The following SPTAN1 variants were observed in gnomAD, a reference collection of about 807,000 sequenced individuals.
SPTAN1 encodes the protein spectrin alpha chain, non-erythrocytic 1.
In SPTAN1, 61 loss-of-function variants were observed where a neutral mutation model predicts 331.3. The observed-to-expected ratio is 0.18, with a 90% confidence interval of 0.15 to 0.23. The LOEUF is 0.23. Ranked by LOEUF, SPTAN1 falls within the 10% of genes least tolerant of loss-of-function variation. SPTAN1 has a pLI of 1.00. For synonymous variants in SPTAN1, 1,153 were observed against 1,173.9 expected, an observed-to-expected ratio of 0.98 and a Z score of 0.36; for missense variants, 2,043 against 3,147.9, an observed-to-expected ratio of 0.65 and a Z score of 8.40.
In SPTAN1 at chr9:128,591,547, C is replaced by G. The variant is rs1853527559; in HGVS notation, c.3077C>G (p.Pro1026Arg). The change falls in exon 22 of 57, where the codon CCC becomes CGC. Residue 1026 changes from proline to arginine, a missense_variant. By Grantham distance (103) the Pro-to-Arg change is moderately radical. Coordinates refer to ENST00000372739, the MANE Select transcript of SPTAN1 (RefSeq NM_001130438.3). ...GCTGCGTACGTGAAGAAATTGGACCCCGCCCAGTCAGCCTCCCGGGAGAAT... is the reference window on the plus strand; with the variant it reads ...GCTGCGTACGTGAAGAAATTGGACCGCGCCCAGTCAGCCTCCCGGGAGAAT... ...VPAAYVKKLD[P>R]AQSASRENLL... 6.2e-7 allele frequency: 1 copy of G among 1,614,192 alleles called. No homozygotes were observed. Among genetic ancestry groups the G allele is most frequent in the Non-Finnish European group, 8.5e-7 (1 of 1,180,024 alleles).
intron 52 of SPTAN1, among the ~76,000 whole-genome samples, chr9:128,630,915 G>T (rs1445070461): frequency 6.6e-6 from 1 of 152,100 alleles, no homozygotes; most frequent in African/African-American, 2.4e-5. Context: ...ATGTTGGCCA[G>T]GCAGGCTGGT....
At chr9:128,567,643 G>A (rs1278953872) in intron 2 of SPTAN1, among the ~76,000 whole-genome samples, 1 of 152,086 alleles carries the variant, frequency 6.6e-6, no homozygotes, top group Non-Finnish European at 1.5e-5. Flanking sequence ...AAAATTTATA[G>A]TTATTCTGGA....
Position 128,626,361 on chromosome 9 carries a change from C to T in SPTAN1, c.6280-30C>T, listed in dbSNP as rs373416195. The T allele has an allele frequency of 3.6e-5, 58 of 1,611,626 alleles. No homozygotes were observed. The African/African-American group carries it at 5.6e-4, about 16-fold the overall frequency. On this transcript the variant is annotated intron_variant, in intron 48 of 56. Transcript: ENST00000372739. ...GCGTCGGCACGTCCAGCCCTGGCGA[C>T]TCCGCCAACTCAGTCTCTTCTGCTT... is the stretch of plus-strand genomic sequence containing the variant.
intron 21 of SPTAN1, among the ~76,000 whole-genome samples, chr9:128,590,749 G>A (rs960798335): frequency 2.0e-5 from 3 of 151,976 alleles, no homozygotes; most frequent in Non-Finnish European, 4.4e-5. Flanking sequence ...TACTTGGGAG[G>A]CTGAGGCAGG....
intron 23 of SPTAN1, chr9:128,593,815 A>G: frequency 3.0e-6 from 1 of 329,160 alleles, no homozygotes; most frequent in Non-Finnish European, 5.9e-6. Flanking sequence ...CATTCTGCCC[A>G]GCAAGTTCAT....
chr9:128,610,280 G>A (rs147464432), intron 37 of SPTAN1, among the ~76,000 whole-genome samples: 26 of 152,312 alleles, frequency 1.7e-4, no homozygotes, highest in African/African-American at 4.8e-4. Context: ...TTACTTAAGC[G>A]GGTGGAAGAA....
At chr9:128,557,391 C>G (rs1848755747) in intron 1 of SPTAN1, among the ~76,000 whole-genome samples, 1 of 152,182 alleles carries the variant, frequency 6.6e-6, no homozygotes, top group Admixed American at 6.5e-5. Context: ...GCACTCACTG[C>G]AGGTGCCAGG....
intron 31 of SPTAN1, among the ~76,000 whole-genome samples, chr9:128,606,373 T>TGAAAAAA (rs1187210819): frequency 7.0e-4 from 1 of 1,438 alleles, no homozygotes; most frequent in Non-Finnish European, 3.8e-3. Context: ...AGACTCTGCC[T>TGAAAAAA]CAAAAAAAAA....
rs536395557 is a variant in SPTAN1 at position 128,608,924 on chromosome 9, C to T, written c.4542C>T (p.Ala1514=). The T allele has an allele frequency of 6.8e-6, 11 of 1,614,208 alleles. No individual in the cohort carries two copies. The highest frequency in any genetic ancestry group is 1.7e-4 in the Middle Eastern group (1 of 6,060). Residue 1514 remains alanine, a synonymous_variant, in exon 35 of 57, where the codon GCC becomes GCT. Transcript: ENST00000372739. ...CCTTTGCCGACCAGCTCATCGCTGC[C>T]GGCCATTATGCCAAGGGAGACATTT... ...LQAFADQLIA[A]GHYAKGDISS... is the part of the protein sequence containing the mutation.
intron 27 of SPTAN1, 45 bp downstream of exon 27, chr9:128,600,160 A>T: frequency 6.3e-7 from 1 of 1,588,478 alleles, no homozygotes; most frequent in Non-Finnish European, 8.6e-7. Flanking sequence ...GTTTTGCGAG[A>T]TCATGAAATA....
In SPTAN1 at chr9:128,615,747, A is replaced by G. The variant is rs1857087403; in HGVS notation, c.5264A>G (p.Lys1755Arg). The change falls in exon 41 of 57, where the codon AAG becomes AGG. Residue 1755 changes from lysine to arginine, a missense_variant. Transcript: ENST00000372739. ...ATCAACGGGCGCTTCCAGAAGATCAAGAGCATGGCGGCCTCCCGGCGAGCC... is the reference window on the plus strand; with the variant it reads ...ATCAACGGGCGCTTCCAGAAGATCAGGAGCATGGCGGCCTCCCGGCGAGCC... ...DTINGRFQKIKSMAASRRAKL... is the reference protein window; with the variant it reads ...DTINGRFQKIRSMAASRRAKL... 2 of 1,614,258 alleles carry G rather than the reference A, an allele frequency of 1.2e-6. No individual in the cohort carries two copies. Among genetic ancestry groups the G allele is most frequent in the Admixed American group, 1.7e-5 (1 of 60,034 alleles).
intron 3 of SPTAN1, among the ~76,000 whole-genome samples, chr9:128,570,781 C>G (rs1159191782): frequency 1.3e-5 from 2 of 152,030 alleles, no homozygotes; most frequent in African/African-American, 4.8e-5. Context: ...CTCAGCCTCC[C>G]GAGTAGCTAG....
chr9:128,575,118 A>C, intron 4 of SPTAN1, 81 bp from the exon 5 acceptor site: 1 of 1,579,136 alleles, frequency 6.3e-7, no homozygotes, highest in Non-Finnish European at 8.7e-7. Context: ...TCCGTCCCTA[A>C]TGTGTCTGTT....
rs764295713 is a variant in SPTAN1 at position 128,624,368 on chromosome 9, G to T, written c.5873G>T (p.Gly1958Val). The T allele has an allele frequency of 3.1e-6, 5 of 1,614,024 alleles. No homozygotes were observed. The highest frequency in any genetic ancestry group is 1.1e-5 in the South Asian group (1 of 91,086). ...GAGAACATCTCTTCAAAGATGAAGG[G>T]CCTGAACGGGAAAGTGTCAGACCTG... Reference protein sequence around the residue: ...HEENISSKMKGLNGKVSDLEK... With the variant: ...HEENISSKMKVLNGKVSDLEK... The change falls in exon 46 of 57, where the codon GGC becomes GTC. Residue 1958 changes from glycine (G) to valine (V), a missense_variant. Physicochemically the swap from Gly to Val is moderately radical, Grantham distance 109. This residue lies in a region of SPTAN1 where 323 missense variants were observed against 581.1 expected (regional missense o/e 0.56). Transcript: ENST00000372739.
chr9:128,604,041 C>T (rs943053389), intron 28 of SPTAN1, among the ~76,000 whole-genome samples: 2 of 152,200 alleles, frequency 1.3e-5, no homozygotes, highest in South Asian at 2.1e-4. Flanking sequence ...TGCCAGGCCC[C>T]AGGCTAGGAG....
intron 45 of SPTAN1, among the ~76,000 whole-genome samples, chr9:128,623,431 A>G (rs1175964779): frequency 6.6e-6 from 1 of 151,366 alleles, no homozygotes; most frequent in Non-Finnish European, 1.5e-5. Flanking sequence ...TAATGAATAT[A>G]TCATCTTAAC....
At chr9:128,611,620 T>G (rs1039976341) in intron 37 of SPTAN1, 94 bp from the exon 38 acceptor site, 1 of 1,477,262 alleles carries the variant, frequency 6.8e-7, no homozygotes, top group African/African-American at 1.4e-5. Flanking sequence ...TTCTTTATGT[T>G]TGCTGCCACT....
At chr9:128,590,137 G>A (rs556146771) in intron 21 of SPTAN1, among the ~76,000 whole-genome samples, 1 of 152,308 alleles carries the variant, frequency 6.6e-6, no homozygotes, top group East Asian at 1.9e-4. Context: ...CCATTTTTAA[G>A]AGCAAGTTTA....
chr9:128,621,316 C>T, intron 45 of SPTAN1, 60 bp downstream of exon 45: 1 of 1,456,192 alleles, frequency 6.9e-7, no homozygotes, highest in South Asian at 1.2e-5. Flanking sequence ...GTGTTGGTAC[C>T]ACAGAGGTCC....
Sources: allele counts gnomAD v4.1 joint callset (sites outside exome capture counted in the v4.1 genomes callset), GRCh38; gene constraint gnomAD v4.1.1; regional missense constraint gnomAD v4.1.1; transcripts MANE v1.5; gene names NCBI Gene and HGNC (gene_info 2026-07-23, HGNC 2026-07-21).